Variants in ZMAT4 observed in about 807,000 individuals in gnomAD.
ZMAT4 encodes the protein zinc finger matrin-type protein 4.
In ZMAT4, 17 loss-of-function variants were observed where a neutral mutation model predicts 28.7. That is an observed-to-expected ratio of 0.59 (90% CI 0.41 to 0.89). The LOEUF (loss-of-function observed/expected upper bound fraction) is 0.89. Ranked by LOEUF, ZMAT4 falls within the 40% of genes least tolerant of loss-of-function variation. The probability of loss-of-function intolerance (pLI) is 0.00; values close to 1 mark genes in which losing one functional copy is unlikely to be tolerated. For missense variants in ZMAT4, 240 were observed against 283.8 expected, an observed-to-expected ratio of 0.85 and a Z score of 1.11; for synonymous variants, 117 against 109.2, an observed-to-expected ratio of 1.07 and a Z score of -0.44.
At position 40,845,798 on chromosome 8, in the gene ZMAT4, G is replaced by A. The variant is rs867099370; in HGVS notation, c.-4-20118C>T. ...AGTTAAAAAAAAAAAAAAAAAAAAA[G>A]AGAGAGAGACTAAGGGTGGAGGGGG... On this transcript the variant is annotated intron_variant, in intron 1 of 6. Transcript: ENST00000297737. Among the ~76,000 whole-genome samples the A allele has an allele frequency of 6.9e-3, 610 of 88,600 alleles. 8 individuals carry two copies. Among genetic ancestry groups the A allele is most frequent in the African/African-American group, 0.024 (531 of 21,734 alleles). 58.1% of individuals were successfully genotyped at this position (88,600 alleles called of 152,430 possible).
intron 6 of ZMAT4, among the ~76,000 whole-genome samples, chr8:40,546,666 C>T (rs1490974523): frequency 6.6e-6 from 1 of 152,122 alleles, no homozygotes; most frequent in Non-Finnish European, 1.5e-5. Flanking sequence ...CCTGAGGCAG[C>T]ATAATTATCT....
chr8:40,791,372 A>G (rs548140359), intron 2 of ZMAT4, among the ~76,000 whole-genome samples: 1 of 152,364 alleles, frequency 6.6e-6, no homozygotes, highest in African/African-American at 2.4e-5. Context: ...CTTCCAAAGC[A>G]GAGGGTTATA....
At chr8:40,673,271 A>G (rs1808760459) in intron 5 of ZMAT4, among the ~76,000 whole-genome samples, 1 of 152,146 alleles carries the variant, frequency 6.6e-6, no homozygotes. Context: ...CAACCAACAT[A>G]TTAAGAAGTG....
At chr8:40,671,047 A>G (rs1287257323) in intron 5 of ZMAT4, among the ~76,000 whole-genome samples, 2 of 148,470 alleles carry the variant, frequency 1.3e-5, no homozygotes, top group African/African-American at 5.0e-5. Context: ...CAGCCTGGCA[A>G]CAGAGCAAGA....
intron 5 of ZMAT4, among the ~76,000 whole-genome samples, chr8:40,655,066 A>ACACACACACACG (rs1418560599): frequency 6.6e-6 from 1 of 151,794 alleles, no homozygotes; most frequent in African/African-American, 2.4e-5. Flanking sequence ...ACCTACACAC[A>ACACACACACACG]CACACACACA....
At chr8:40,619,177 G>C (rs991794431) in intron 5 of ZMAT4, among the ~76,000 whole-genome samples, 4 of 152,156 alleles carry the variant, frequency 2.6e-5, no homozygotes, top group Non-Finnish European at 5.9e-5. Flanking sequence ...AGTGACCAGA[G>C]AAAGCCCTCA....
chr8:40,741,464 CAT>C (rs1812000852), intron 3 of ZMAT4, among the ~76,000 whole-genome samples: 1 of 147,944 alleles, frequency 6.8e-6, no homozygotes, highest in Non-Finnish European at 1.5e-5. Flanking sequence ...AAAAAAAAGA[CAT>C]AAACGTAGGA....
intron 5 of ZMAT4, among the ~76,000 whole-genome samples, chr8:40,586,440 G>A (rs1445594244): frequency 1.3e-5 from 2 of 152,144 alleles, no homozygotes; most frequent in African/African-American, 4.8e-5. Flanking sequence ...ACAGAAAACA[G>A]ATATAGAAGT....
At chr8:40,640,329 G>T (rs1472886791) in intron 5 of ZMAT4, among the ~76,000 whole-genome samples, 2 of 152,142 alleles carry the variant, frequency 1.3e-5, no homozygotes, top group Non-Finnish European at 2.9e-5. Context: ...GTGAAGGCTA[G>T]AATGGTAGCT....
chr8:40,668,009 A>T (rs1278902365), intron 5 of ZMAT4, among the ~76,000 whole-genome samples: 1 of 152,190 alleles, frequency 6.6e-6, no homozygotes, highest in Non-Finnish European at 1.5e-5. Flanking sequence ...GGCATACCTA[A>T]TATGATTCGA....
chr8:40,881,802 G>C (rs902645237), intron 1 of ZMAT4, among the ~76,000 whole-genome samples: 5 of 152,086 alleles, frequency 3.3e-5, no homozygotes, highest in African/African-American at 4.8e-5. Flanking sequence ...TCCATACAGA[G>C]ATGGGAATAG....
chr8:40,585,701 A>G (rs1804647684), intron 5 of ZMAT4, among the ~76,000 whole-genome samples: 2 of 152,162 alleles, frequency 1.3e-5, no homozygotes, highest in African/African-American at 4.8e-5. Context: ...ATAACTTATC[A>G]CTACCAGTGT....
intron 5 of ZMAT4, among the ~76,000 whole-genome samples, chr8:40,599,359 T>C (rs78696659): frequency 2.9e-4 from 44 of 152,134 alleles, no homozygotes; most frequent in African/African-American, 1.0e-3. Context: ...TACACACACA[T>C]ACATATGTAT....
At chr8:40,754,574 G>A (rs1420572437) in intron 3 of ZMAT4, among the ~76,000 whole-genome samples, 2 of 152,028 alleles carry the variant, frequency 1.3e-5, no homozygotes, top group African/African-American at 4.8e-5. Context: ...TTGTGTATTT[G>A]TACCTGTATA....
At chr8:40,854,025 C>T (rs892878468) in intron 1 of ZMAT4, among the ~76,000 whole-genome samples, 8 of 152,130 alleles carry the variant, frequency 5.3e-5, no homozygotes, top group African/African-American at 1.4e-4. Flanking sequence ...CAGTGAGTCA[C>T]GTGACCAGAG....
intron 4 of ZMAT4, among the ~76,000 whole-genome samples, chr8:40,693,774 T>C (rs905055434): frequency 6.6e-6 from 1 of 152,176 alleles, no homozygotes; most frequent in Non-Finnish European, 1.5e-5. Context: ...CTAGTAAACA[T>C]GCACCCATCT....
chr8:40,834,131 G>T (rs1816392145), intron 1 of ZMAT4, among the ~76,000 whole-genome samples: 1 of 152,170 alleles, frequency 6.6e-6, no homozygotes, highest in Non-Finnish European at 1.5e-5. Flanking sequence ...GCCACTGCTG[G>T]GCACATGCAC....
chr8:40,815,302 G>T (rs1315290258), intron 2 of ZMAT4, among the ~76,000 whole-genome samples: 1 of 151,986 alleles, frequency 6.6e-6, no homozygotes, highest in Non-Finnish European at 1.5e-5. Context: ...AAATAAAACA[G>T]GGGAAATAAA....
chr8:40,548,452 G>C (rs1803268084), intron 6 of ZMAT4, among the ~76,000 whole-genome samples: 1 of 152,168 alleles, frequency 6.6e-6, no homozygotes, highest in South Asian at 2.1e-4. Flanking sequence ...CCCCAAGACT[G>C]TGATTTATGC....
Sources: gnomAD v4.1 joint callset for allele counts (sites outside exome capture counted in the v4.1 genomes callset) on GRCh38, gnomAD v4.1.1 for gene constraint, MANE v1.5 for transcripts, NCBI Gene and HGNC (gene_info 2026-07-23, HGNC 2026-07-21) for gene names.